Variants in PSD4 observed in about 807,000 individuals in gnomAD.
PSD4 encodes PH and SEC7 domain-containing protein 4.
PSD4 carries 59 observed loss-of-function variants against 112.5 expected under a neutral mutation model. The ratio of observed to expected loss-of-function variants is 0.52; its 90% CI spans 0.43 to 0.65. The LOEUF is 0.65. Ranked by LOEUF, PSD4 falls within the 30% of genes least tolerant of loss-of-function variation. PSD4 has a pLI of 0.00. For missense variants in PSD4, 1,267 were observed against 1,352.6 expected, an observed-to-expected ratio of 0.94 and a Z score of 0.99; for synonymous variants, 533 against 540.0, an observed-to-expected ratio of 0.99 and a Z score of 0.18.
chr2:113,200,295 G>A (rs1221668738), intron 16 of PSD4, among the ~76,000 whole-genome samples: 4 of 152,200 alleles, frequency 2.6e-5, no homozygotes, highest in Non-Finnish European at 5.9e-5. Flanking sequence ...CCTGCTTAGG[G>A]TGAGGGCCCA....
rs1031458780 is a variant in PSD4 at position 113,206,956 on chromosome 2, C to G, written c.*5541C>G. The stretch of plus-strand genomic sequence containing the variant: ...GTATCCAGGTCAGGTGAGGCTTCAT[C>G]TCGGGCTTCACTCTGATTCAAGGCC... On this transcript the variant is annotated 3_prime_UTR_variant, in exon 17 of 17. Coordinates refer to ENST00000245796, the MANE Select transcript of PSD4 (RefSeq NM_012455.3). 1 of 152,202 alleles carries G rather than the reference C, an allele frequency of 6.6e-6. No homozygotes were observed. Among genetic ancestry groups the G allele is most frequent in the African/African-American group, 2.4e-5 (1 of 41,470 alleles). The allele number at this position is 152,202 out of a possible 1,614,324, so 9.4% of individuals were successfully genotyped here. A position where few individuals can be genotyped will look rare whatever the true frequency, so the allele number is the denominator to read the frequency against.
chr2:113,201,322 T>A lies in PSD4; in HGVS notation c.3078T>A (p.Asp1026Glu). 1 of 1,614,150 alleles carries A rather than the reference T, an allele frequency of 6.2e-7. No homozygotes were observed. The highest frequency in any genetic ancestry group is 2.2e-5 in the East Asian group (1 of 44,870). The stretch of plus-strand genomic sequence containing the variant: ...ACTCGAGCCCGTCCCTGCACCAGGA[T>A]GAGGCTCCCACCACGGCCAAGGTGA... The part of the protein sequence containing the change: ...KSHSSPSLHQ[D>E]EAPTTAKVKR... Residue 1026 changes from aspartate to glutamate, a missense_variant, in exon 17 of 17, where the codon GAT (aspartate) becomes GAA (glutamate). This residue lies in a region of PSD4 where 544 missense variants were observed against 648.6 expected (regional missense o/e 0.84). Transcript: ENST00000245796.
chr2:113,199,036 C>T (rs1455695565), intron 15 of PSD4, 47 bp from the exon 16 acceptor site: 1 of 1,512,100 alleles, frequency 6.6e-7, no homozygotes, highest in African/African-American at 1.4e-5. Context: ...CGGAAAGCGG[C>T]GGAGGGGACG....
At chr2:113,178,088 G>A (rs546149756) in intron 1 of PSD4, among the ~76,000 whole-genome samples, 5 of 152,204 alleles carry the variant, frequency 3.3e-5, no homozygotes, top group African/African-American at 9.6e-5. Flanking sequence ...CATGATGGCG[G>A]GTGCCTGTAG....
intron 9 of PSD4, 43 bp from the exon 10 acceptor site, chr2:113,193,816 A>T (rs374053041): frequency 1.2e-5 from 19 of 1,594,272 alleles, no homozygotes; most frequent in Non-Finnish European, 1.6e-5. Flanking sequence ...TTCTATTGGG[A>T]TGGGGTGTGT....
At chr2:113,179,543 TG>T (rs1688071020) in intron 1 of PSD4, among the ~76,000 whole-genome samples, 1 of 152,166 alleles carries the variant, frequency 6.6e-6, no homozygotes, top group South Asian at 2.1e-4. Flanking sequence ...AATAAAAGAA[TG>T]GTTACTCCAT....
At chr2:113,200,340 A>G (rs1194631652) in intron 16 of PSD4, among the ~76,000 whole-genome samples, 1 of 152,184 alleles carries the variant, frequency 6.6e-6, no homozygotes, top group African/African-American at 2.4e-5. Flanking sequence ...CAATGTGAAA[A>G]TAGAGGGAAT....
At chr2:113,198,561 T>G (rs1688676676) in intron 14 of PSD4, 179 bp from the exon 15 acceptor site, 11 of 662,054 alleles carry the variant, frequency 1.7e-5, no homozygotes, top group Non-Finnish European at 2.0e-5. Flanking sequence ...ATTTTCCTCT[T>G]TATTGATAAG....
intron 10 of PSD4, among the ~76,000 whole-genome samples, chr2:113,194,638 A>G (rs1051328557): frequency 6.6e-6 from 1 of 152,234 alleles, no homozygotes; most frequent in Non-Finnish European, 1.5e-5. Flanking sequence ...GGGATAGTCT[A>G]TTGCTCCTGG....
rs1211611368 is a variant in PSD4 at position 113,203,586 on chromosome 2, C to T, written c.*2171C>T. On this transcript the variant is annotated 3_prime_UTR_variant, in exon 17 of 17. Transcript: ENST00000245796. ...TTTTTTTTTTTTTTTTTTTTGGAGA[C>T]GGAGTTTCGCTCTTGTAACCCAGGC... 3.9e-5 allele frequency: 3 copies of T among 77,026 alleles called. No homozygotes were observed. The highest frequency in any genetic ancestry group is 5.4e-5 in the African/African-American group (1 of 18,608). 4.8% of individuals were successfully genotyped at this position (77,026 alleles called of 1,614,324 possible). A position where few individuals can be genotyped will look rare whatever the true frequency, so the allele number is the denominator to read the frequency against.
rs1573342807 is a variant in PSD4, at chr2:113,174,930, G to A, written c.-112+876G>A. Among the ~76,000 whole-genome samples the A allele has an allele frequency of 2.6e-5, 4 of 152,234 alleles. No individual in the cohort carries two copies. In the South Asian group the frequency reaches 6.2e-4, roughly 24 times the overall value. On this transcript the variant is annotated intron_variant, in intron 1 of 16. Transcript: ENST00000245796. ...ATTAGCTGATGATAAATACTCCTCC[G>A]TTCATTGGACCTTGGACCAGCTTTA...
chr2:113,199,024 C>T (rs1573378760), intron 15 of PSD4, 59 bp from the exon 16 acceptor site: 1 of 1,510,670 alleles, frequency 6.6e-7, no homozygotes, highest in Non-Finnish European at 8.8e-7. Flanking sequence ...CGCGCCCGGG[C>T]CCGGAAAGCG....
In PSD4 at chr2:113,204,259, C is replaced by T. The variant is rs1688833952; in HGVS notation, c.*2844C>T. On this transcript the variant is annotated 3_prime_UTR_variant, in exon 17 of 17. Coordinates refer to ENST00000245796, the MANE Select transcript of PSD4 (RefSeq NM_012455.3). ...ACAGTGGCCTGGGCCAGGACTCCCA[C>T]CATCTAGGGAAGCCTCTCCTAGGGA... is the stretch of plus-strand genomic sequence containing the variant. The T allele has an allele frequency of 6.6e-6, 1 of 152,300 alleles. No homozygotes were observed. Among genetic ancestry groups the T allele is most frequent in the South Asian group, 2.1e-4 (1 of 4,832 alleles). 9.4% of individuals were successfully genotyped at this position (152,300 alleles called of 1,614,324 possible).
rs1688869285 is a variant in PSD4, at chr2:113,206,783, G to C, written c.*5368G>C. The stretch of plus-strand genomic sequence containing the variant: ...TGCTCCCCTCCTCCTTTGGGCTCTG[G>C]CTTAGGCTCTGCCCTCATGCATGCC... On this transcript the variant is annotated 3_prime_UTR_variant, in exon 17 of 17. Transcript: ENST00000245796. 6.6e-6 allele frequency: 1 copy of C among 152,240 alleles called. No homozygotes were observed. The highest frequency in any genetic ancestry group is 2.1e-4 in the South Asian group (1 of 4,824). The allele number at this position is 152,240 out of a possible 1,614,324, so 9.4% of individuals were successfully genotyped here. A position where few individuals can be genotyped will look rare whatever the true frequency, so the allele number is the denominator to read the frequency against.
At position 113,197,788 on chromosome 2, in the gene PSD4, G is replaced by A; in HGVS notation, c.2499G>A (p.Gly833=). The A allele has an allele frequency of 6.2e-7, 1 of 1,611,362 alleles. No homozygotes were observed. The highest frequency in any genetic ancestry group is 8.5e-7 in the Non-Finnish European group (1 of 1,177,890). The part of the protein sequence containing the change: ...DHCLEGESLV[G]QMVDEPVGVH... The stretch of plus-strand genomic sequence containing the variant: ...GTCTGGAGGGGGAGAGCTTGGTGGG[G>A]CAGATGGTGGATGAGCCCGTGGGGG... The change falls in exon 14 of 17, where the codon GGG becomes GGA. Residue 833 remains glycine (G), a synonymous_variant. Transcript: ENST00000245796.
intron 2 of PSD4, among the ~76,000 whole-genome samples, chr2:113,184,437 G>A (rs1036236746): frequency 1.3e-5 from 2 of 149,322 alleles, no homozygotes; most frequent in Non-Finnish European, 3.0e-5. Context: ...GGAGTGCAGT[G>A]GTGCCATCTT....
Position 113,193,388 on chromosome 2 carries a change from C to T in PSD4, c.2032+18C>T. On this transcript the variant is annotated intron_variant, in intron 8 of 16. Coordinates refer to ENST00000245796, the MANE Select transcript of PSD4 (RefSeq NM_012455.3). Reference sequence around the variant, plus strand: ...CTCAGTAGGTAGGGAGGGGCTGGCCCTGACAGCAAAGCAGGGAAACTTTGG... The same window carrying T: ...CTCAGTAGGTAGGGAGGGGCTGGCCTTGACAGCAAAGCAGGGAAACTTTGG... 1.2e-6 allele frequency: 2 copies of T among 1,607,008 alleles called. No homozygotes were observed. Among genetic ancestry groups the T allele is most frequent in the Non-Finnish European group, 1.7e-6 (2 of 1,176,112 alleles).
intron 5 of PSD4, among the ~76,000 whole-genome samples, chr2:113,188,256 GT>G (rs1277547314): frequency 6.6e-6 from 1 of 150,540 alleles, no homozygotes; most frequent in Non-Finnish European, 1.5e-5. Context: ...TTTTTGTTTT[GT>G]TTTGGGACAG....
Position 113,182,783 on chromosome 2 carries a change from C to T in PSD4, c.327C>T (p.Ser109=), listed in dbSNP as rs770882158. 35 of 1,596,618 alleles carry T rather than the reference C, an allele frequency of 2.2e-5. No individual in the cohort carries two copies. The East Asian group carries it at 4.5e-4, about 20-fold the overall frequency. The part of the protein sequence containing the change: ...STRQDAPPWG[S]GVELTHLGSP... Reference sequence around the variant, plus strand: ...GACAAGATGCTCCTCCCTGGGGCTCCGGTGTGGAGCTCACACACCTGGGGA... The same window carrying T: ...GACAAGATGCTCCTCCCTGGGGCTCTGGTGTGGAGCTCACACACCTGGGGA... The change falls in exon 2 of 17, where the codon TCC becomes TCT. Residue 109 remains serine (S), a synonymous_variant. Coordinates refer to ENST00000245796, the MANE Select transcript of PSD4 (RefSeq NM_012455.3).
Sources: allele counts gnomAD v4.1 joint callset (sites outside exome capture counted in the v4.1 genomes callset), GRCh38; gene constraint gnomAD v4.1.1; regional missense constraint gnomAD v4.1.1; transcripts MANE v1.5; gene names NCBI Gene and HGNC (gene_info 2026-07-23, HGNC 2026-07-21).